TOMM70: variants seen among roughly 807,000 people sequenced by gnomAD.
TOMM70 encodes mitochondrial import receptor subunit TOM70.
In TOMM70, 13 loss-of-function variants were observed where a neutral mutation model predicts 73.6. The observed-to-expected ratio is 0.18, with a 90% CI of 0.11 to 0.28. The LOEUF (loss-of-function observed/expected upper bound fraction) is 0.28. Among genes scored for constraint, TOMM70 ranks in the 10% least tolerant of loss-of-function variants. The pLI, the probability that TOMM70 is intolerant of heterozygous loss-of-function variation, is 1.00. For synonymous variants in TOMM70, 257 were observed against 271.2 expected (o/e 0.95, Z 0.51); for missense variants, 609 against 747.5 (o/e 0.81, Z 2.16).
chr3:100,372,401 T>G, intron 9 of TOMM70: 1 of 418,006 alleles, frequency 2.4e-6, no homozygotes, highest in Non-Finnish European at 4.2e-6. Flanking sequence ...CCATATTGAG[T>G]TTAGGGCCAT....
chr3:100,374,958 CA>C, intron 7 of TOMM70, 59 bp downstream of exon 7: 1 of 1,441,764 alleles, frequency 6.9e-7, no homozygotes, highest in South Asian at 1.6e-5. Flanking sequence ...AAGAAATTCT[CA>C]AAAATGGTAT....
chr3:100,390,396 G>A (rs1262431393), intron 1 of TOMM70, among the ~76,000 whole-genome samples: 2 of 152,198 alleles, frequency 1.3e-5, no homozygotes, highest in Non-Finnish European at 2.9e-5. Context: ...ATATACAATG[G>A]TGGTCCCATA....
Position 100,365,360 on chromosome 3 carries a change from A to G in TOMM70, c.*204T>C. Reference sequence around the variant, plus strand: ...AACATGTTCTAATCTTTTGTTGCACAGGGAATAAAAGCTGCAAGACTGCAA... The same window carrying G: ...AACATGTTCTAATCTTTTGTTGCACGGGGAATAAAAGCTGCAAGACTGCAA... On this transcript the variant is annotated 3_prime_UTR_variant, in exon 12 of 12. Transcript: ENST00000284320. The G allele has an allele frequency of 1.8e-6, 1 of 569,678 alleles. No homozygotes were observed. The highest frequency in any genetic ancestry group is 2.9e-6 in the Non-Finnish European group (1 of 344,730). The allele number at this position is 569,678 out of a possible 1,614,324, so 35.3% of individuals were successfully genotyped here. A position where few individuals can be genotyped will look rare whatever the true frequency, so the allele number is the denominator to read the frequency against.
At chr3:100,382,925 CT>C (rs1559832940) in intron 4 of TOMM70, among the ~76,000 whole-genome samples, 1 of 151,716 alleles carries the variant, frequency 6.6e-6, no homozygotes, top group Non-Finnish European at 1.5e-5. Flanking sequence ...AAATATTTGC[CT>C]TATTTATCTT....
intron 1 of TOMM70, among the ~76,000 whole-genome samples, chr3:100,394,200 T>C (rs1173075220): frequency 1.3e-5 from 2 of 152,264 alleles, no homozygotes; most frequent in Non-Finnish European, 2.9e-5. Context: ...ATACCTGAGA[T>C]GGTTTGATGT....
intron 1 of TOMM70, among the ~76,000 whole-genome samples, chr3:100,399,020 G>A (rs529613910): frequency 6.6e-6 from 1 of 152,206 alleles, no homozygotes; most frequent in Admixed American, 6.5e-5. Context: ...GGTGGCTCAC[G>A]CCTGTAATCC....
intron 1 of TOMM70, among the ~76,000 whole-genome samples, chr3:100,399,083 A>G (rs1576220727): frequency 6.6e-6 from 1 of 152,140 alleles, no homozygotes; most frequent in African/African-American, 2.4e-5. Context: ...GGAGTTCAAG[A>G]CCAGCCTGGC....
intron 11 of TOMM70, among the ~76,000 whole-genome samples, chr3:100,367,724 A>T (rs1009810157): frequency 6.6e-6 from 1 of 152,218 alleles, no homozygotes; most frequent in Non-Finnish European, 1.5e-5. Flanking sequence ...AAACACTTAC[A>T]CAAAATAAGA....
chr3:100,377,044 T>C (rs181014403), intron 6 of TOMM70, among the ~76,000 whole-genome samples: 243 of 152,154 alleles, frequency 1.6e-3, no homozygotes, highest in Non-Finnish European at 2.4e-3. Context: ...CCCCCAAATA[T>C]AGGAGAGGAG....
At chr3:100,383,973 A>G (rs986366945) in intron 4 of TOMM70, among the ~76,000 whole-genome samples, 11 of 152,212 alleles carry the variant, frequency 7.2e-5, no homozygotes, top group Admixed American at 5.2e-4. Context: ...TGTTTAATAA[A>G]TGATTGTTGA....
At chr3:100,376,448 TG>T (rs932289443) in intron 6 of TOMM70, among the ~76,000 whole-genome samples, 7 of 148,730 alleles carry the variant, frequency 4.7e-5, no homozygotes, top group Admixed American at 6.7e-5. Flanking sequence ...ACCGCAGACT[TG>T]ACCTCCCAGG....
intron 5 of TOMM70, 110 bp downstream of exon 5, chr3:100,381,505 T>C (rs1428683452): frequency 8.5e-6 from 6 of 707,886 alleles, no homozygotes; most frequent in Non-Finnish European, 1.0e-5. Flanking sequence ...TATCTCTATC[T>C]GTAGATAGAT....
At chr3:100,392,979 C>T (rs1157218133) in intron 1 of TOMM70, among the ~76,000 whole-genome samples, 1 of 151,844 alleles carries the variant, frequency 6.6e-6, no homozygotes, top group Non-Finnish European at 1.5e-5. Context: ...GAGTTCAAGA[C>T]CAGCCTGGCC....
At position 100,400,914 on chromosome 3, in the gene TOMM70, G is replaced by C. The variant is rs760904426; in HGVS notation, c.36C>G (p.Val12=). 4 of 1,531,860 alleles carry C rather than the reference G, an allele frequency of 2.6e-6. No homozygotes were observed. The African/African-American group carries it at 5.5e-5, about 21-fold the overall frequency. 94.9% of individuals were successfully genotyped at this position (1,531,860 alleles called of 1,614,324 possible). The change falls in exon 1 of 12, where the codon GTC becomes GTG. Residue 12 remains valine (V), a synonymous_variant. Transcript: ENST00000284320. ...TCCCGGAGCTCGGTACAGCGGCTGC[G>C]ACCACCGCTGCCTCCACAGGTTTAG... ...AASKPVEAAV[V]AAAVPSSGSG...
Position 100,368,065 on chromosome 3 carries a change from A to G in TOMM70, c.1652T>C (p.Met551Thr). The G allele has an allele frequency of 3.1e-6, 5 of 1,613,888 alleles. No individual in the cohort carries two copies. The highest frequency in any genetic ancestry group is 4.2e-6 in the Non-Finnish European group (5 of 1,179,914). Residue 551 changes from methionine (M) to threonine (T), a missense_variant, in exon 11 of 12, where the codon ATG becomes ACG. By Grantham distance (81) the Met-to-Thr change is moderately conservative. Transcript: ENST00000284320. ...TTACCTTTGTACTTCAATAGTTCCCATGGTTTCATAGGCAAAATCACATTT... is the reference window on the plus strand; with the variant it reads ...TTACCTTTGTACTTCAATAGTTCCCGTGGTTTCATAGGCAAAATCACATTT... ...DNKCDFAYET[M>T]GTIEVQRGNM...
intron 3 of TOMM70, among the ~76,000 whole-genome samples, chr3:100,385,225 A>G (rs1422852825): frequency 2.0e-5 from 3 of 152,228 alleles, no homozygotes; most frequent in Non-Finnish European, 4.4e-5. Context: ...GCTAGCGCCA[A>G]TGTCAATGTC....
At chr3:100,378,660 C>CT (rs1706593080) in intron 5 of TOMM70, among the ~76,000 whole-genome samples, 1 of 152,180 alleles carries the variant, frequency 6.6e-6, no homozygotes, top group Non-Finnish European at 1.5e-5. Context: ...AAATAAGTGA[C>CT]TTTAGAGTCA....
At chr3:100,369,394 G>A (rs1706484138) in intron 9 of TOMM70, among the ~76,000 whole-genome samples, 1 of 151,812 alleles carries the variant, frequency 6.6e-6, no homozygotes, top group African/African-American at 2.4e-5. Context: ...CTGGTAAACT[G>A]TTCAATACAG....
intron 5 of TOMM70, among the ~76,000 whole-genome samples, chr3:100,379,830 G>C (rs1706610042): frequency 6.6e-6 from 1 of 151,956 alleles, no homozygotes; most frequent in African/African-American, 2.4e-5. Context: ...TGTTGCCCAG[G>C]CTAGTCTCAA....
Sources: gnomAD v4.1 joint callset for allele counts (sites outside exome capture counted in the v4.1 genomes callset) on GRCh38, gnomAD v4.1.1 for gene constraint, MANE v1.5 for transcripts, NCBI Gene and HGNC (gene_info 2026-07-23, HGNC 2026-07-21) for gene names.